Variants in FUCA1 observed in about 807,000 individuals in gnomAD.
The protein encoded by FUCA1 is tissue alpha-L-fucosidase.
A neutral mutation model predicts 56.8 loss-of-function variants in FUCA1; 52 were observed. The observed-to-expected ratio is 0.92, with a 90% CI of 0.73 to 1.15. The LOEUF is 1.15. Among genes scored for constraint, FUCA1 ranks in the 50% most tolerant of loss-of-function variants. FUCA1 has a pLI of 0.00. For synonymous variants in FUCA1, 230 were observed against 226.6 expected (o/e 1.02, Z -0.14); for missense variants, 568 against 592.6 (o/e 0.96, Z 0.43).
chr1:23,847,536 G>A (rs1363249434), intron 6 of FUCA1, among the ~76,000 whole-genome samples: 1 of 152,068 alleles, frequency 6.6e-6, no homozygotes, highest in African/African-American at 2.4e-5. Context: ...ATCATATAAG[G>A]TAATCAGGGC....
chr1:23,850,493 T>A (rs77767474), intron 5 of FUCA1, among the ~76,000 whole-genome samples: 16,253 of 151,790 alleles, frequency 0.11, 962 homozygotes, highest in East Asian at 0.21. Context: ...TTAAAAAAAA[T>A]TTTTGTTTCA....
In FUCA1 at chr1:23,854,456, G is replaced by T; in HGVS notation, c.873C>A (p.His291Gln). 1 of 1,614,040 alleles carries T rather than the reference G, an allele frequency of 6.2e-7. No individual in the cohort carries two copies. Among genetic ancestry groups the T allele is most frequent in the Middle Eastern group, 1.6e-4 (1 of 6,062 alleles). The change falls in exon 5 of 8, where the codon CAC becomes CAA. Residue 291 changes from histidine (H) to glutamine (Q), a missense_variant. Physicochemically the swap from His to Gln is conservative, Grantham distance 24. Transcript: ENST00000374479. ...CAATGCTGGTGCACATCTCCCACTT[G>T]TGATCTGGCAAGCTCTGTGGCTTGA... Reference protein sequence around the residue: ...DKFKPQSLPDHKWEMCTSIDK... With the variant: ...DKFKPQSLPDQKWEMCTSIDK...
Position 23,854,532 on chromosome 1 carries a change from C to A in FUCA1, c.797G>T (p.Gly266Val). 2.5e-6 allele frequency: 4 copies of A among 1,613,922 alleles called. No individual in the cohort carries two copies. The highest frequency in any genetic ancestry group is 3.4e-6 in the Non-Finnish European group (4 of 1,179,860). The change falls in exon 5 of 8, where the codon GGT (glycine) becomes GTT (valine). Residue 266 changes from glycine to valine, a missense_variant. Coordinates refer to ENST00000374479, the MANE Select transcript of FUCA1 (RefSeq NM_000147.5). Reference sequence around the variant, plus strand: ...TCCATGGTGACAGGAACAGTTCTGACCCCATCGGTCATTTACTACCACCTC... The same window carrying A: ...TCCATGGTGACAGGAACAGTTCTGAACCCATCGGTCATTTACTACCACCTC... ...KDEVVVNDRW[G>V]QNCSCHHGGY... is the part of the protein sequence containing the mutation.
At chr1:23,859,245 G>T (rs944915082) in intron 4 of FUCA1, among the ~76,000 whole-genome samples, 7 of 152,048 alleles carry the variant, frequency 4.6e-5, no homozygotes, top group African/African-American at 1.7e-4. Context: ...ATTTACCACT[G>T]TTTAAACCTA....
At position 23,868,187 on chromosome 1, in the gene FUCA1, G is replaced by A. The variant is rs368369988; in HGVS notation, c.100C>T (p.Pro34Ser). 1.2e-6 allele frequency: 2 copies of A among 1,603,810 alleles called. No homozygotes were observed. The highest frequency in any genetic ancestry group is 2.7e-5 in the African/African-American group (2 of 74,748). The change falls in exon 1 of 8, where the codon CCG (proline) becomes TCG (serine). Residue 34 changes from proline (P) to serine (S), a missense_variant. Pro to Ser is a moderately conservative substitution (Grantham distance 74, BLOSUM62 -1). Transcript: ENST00000374479. ...GGCCAGTCTGGGGTGTAGCGGCGCG[G>A]AGGCTGGGCCCGACGCACCGACTCG... The part of the protein sequence containing the change: ...AAESVRRAQP[P>S]RRYTPDWPSL...
intron 3 of FUCA1, among the ~76,000 whole-genome samples, chr1:23,860,561 G>A (rs937614923): frequency 2.0e-5 from 3 of 147,358 alleles, no homozygotes; most frequent in Admixed American, 6.7e-5. Context: ...TCCAGCCTGG[G>A]CGACGGAGTG....
chr1:23,852,613 T>C (rs1482209874), intron 5 of FUCA1, among the ~76,000 whole-genome samples: 2 of 152,144 alleles, frequency 1.3e-5, no homozygotes, highest in East Asian at 1.9e-4. Context: ...GTGCCTGCGA[T>C]TGCAGGTGCG....
chr1:23,862,054 TA>T (rs892313279), intron 3 of FUCA1, among the ~76,000 whole-genome samples: 4 of 152,364 alleles, frequency 2.6e-5, no homozygotes, highest in African/African-American at 9.6e-5. Context: ...CCAAGTACGA[TA>T]AAAGAGTGGG....
At position 23,867,177 on chromosome 1, in the gene FUCA1, A is replaced by C. The variant is rs749058821; in HGVS notation, c.389+721T>G. Among the ~76,000 whole-genome samples, 3 of 152,166 alleles carry C rather than the reference A, an allele frequency of 2.0e-5. No individual in the cohort carries two copies. The highest frequency in any genetic ancestry group is 4.4e-5 in the Non-Finnish European group (3 of 68,018). ...CCACTCCCTGACTTAACATCTGTCAATACAGGGCTCTCAAGGCTCACTCCT... is the reference window on the plus strand; with the variant it reads ...CCACTCCCTGACTTAACATCTGTCACTACAGGGCTCTCAAGGCTCACTCCT... On this transcript the variant is annotated intron_variant, in intron 1 of 7. Transcript: ENST00000374479. This position sits in a 1 kb window ranked among gnomAD's most constrained non-coding sequence, Gnocchi z 4.9.
At chr1:23,850,651 T>A (rs894987943) in intron 5 of FUCA1, among the ~76,000 whole-genome samples, 7 of 151,664 alleles carry the variant, frequency 4.6e-5, no homozygotes, top group Non-Finnish European at 7.4e-5. Context: ...GCCCAGCTAA[T>A]TTTTTTTGTA....
rs576834379 is a variant in FUCA1, at chr1:23,865,373, AG to A, written c.524+117del. The A allele has an allele frequency of 4.8e-5, 64 of 1,334,296 alleles. No homozygotes were observed. The African/African-American group carries it at 8.6e-4, about 18-fold the overall frequency. The allele number at this position is 1,334,296 out of a possible 1,614,324, so 82.7% of individuals were successfully genotyped here. A position where few individuals can be genotyped will look rare whatever the true frequency, so the allele number is the denominator to read the frequency against. Reference sequence around the variant, plus strand: ...AAACACACAGGAGTAGAAGGCCAAAAGCCCTTCAGGCTACTTGCTATATGCA... The same window carrying A: ...AAACACACAGGAGTAGAAGGCCAAAACCCTTCAGGCTACTTGCTATATGCA... On this transcript the variant is annotated intron_variant, in intron 2 of 7. Transcript: ENST00000374479.
chr1:23,865,422 A>T (rs1214779541), intron 2 of FUCA1, 69 bp downstream of exon 2: 2 of 1,597,496 alleles, frequency 1.3e-6, no homozygotes, highest in African/African-American at 2.7e-5. Flanking sequence ...ACACGCAAGT[A>T]GAGGAGGTAC....
chr1:23,849,513 G>A (rs182169126), intron 5 of FUCA1, among the ~76,000 whole-genome samples: 14 of 151,052 alleles, frequency 9.3e-5, no homozygotes, highest in Non-Finnish European at 1.5e-4. Context: ...CATTCCTTAC[G>A]CATTGGGCTA....
chr1:23,865,910 C>T (rs1256096901), intron 1 of FUCA1, among the ~76,000 whole-genome samples: 3 of 152,180 alleles, frequency 2.0e-5, no homozygotes, highest in Non-Finnish European at 4.4e-5. Context: ...AGAAGTGCAC[C>T]TTAGCTCTCT....
At chr1:23,846,660 CA>C (rs1170973489) in intron 6 of FUCA1, among the ~76,000 whole-genome samples, 1 of 151,948 alleles carries the variant, frequency 6.6e-6, no homozygotes, top group African/African-American at 2.4e-5. Flanking sequence ...TGGCTCACTA[CA>C]ACCTCCACTT....
chr1:23,860,792 C>T (rs1048545420), intron 3 of FUCA1, among the ~76,000 whole-genome samples: 2 of 151,452 alleles, frequency 1.3e-5, no homozygotes, highest in African/African-American at 4.8e-5. Context: ...GTGTGCACCA[C>T]CATGCCTGAC....
At chr1:23,853,921 C>G (rs2148442471) in intron 5 of FUCA1, among the ~76,000 whole-genome samples, 1 of 150,632 alleles carries the variant, frequency 6.6e-6, no homozygotes, top group Admixed American at 6.6e-5. Context: ...GGGACACAAA[C>G]ACTGCGGAAG....
chr1:23,850,411 A>G (rs1639231525), intron 5 of FUCA1, among the ~76,000 whole-genome samples: 1 of 151,560 alleles, frequency 6.6e-6, no homozygotes, highest in South Asian at 2.1e-4. Context: ...GTCTTCTTCT[A>G]GTCTTTTTCC....
intron 3 of FUCA1, among the ~76,000 whole-genome samples, chr1:23,862,151 G>C (rs954518312): frequency 2.0e-5 from 3 of 152,158 alleles, no homozygotes; most frequent in African/African-American, 7.2e-5. Flanking sequence ...AAGTCATCTG[G>C]ATAGAATCTG....
Sources: allele counts gnomAD v4.1 joint callset (sites outside exome capture counted in the v4.1 genomes callset), GRCh38; gene constraint gnomAD v4.1.1; non-coding constraint Gnocchi (gnomAD v3.1); transcripts MANE v1.5; gene names NCBI Gene and HGNC (gene_info 2026-07-23, HGNC 2026-07-21).